Variants in BAZ2B observed in about 807,000 individuals in gnomAD.
The protein encoded by BAZ2B is bromodomain adjacent to zinc finger domain 2B.
A neutral mutation model predicts 246.0 loss-of-function variants in BAZ2B; 91 were observed. That is an observed-to-expected ratio of 0.37 (90% CI 0.31 to 0.44). BAZ2B has a LOEUF of 0.44. BAZ2B is among the 20% of genes least tolerant of loss of function. BAZ2B has a pLI of 1.00. For missense variants in BAZ2B, 2,332 were observed against 2,533.7 expected (o/e 0.92, Z 1.71); for synonymous variants, 855 against 860.0 (o/e 0.99, Z 0.10).
In BAZ2B at chr2:159,385,199, C is replaced by A. The variant is rs1474169834; in HGVS notation, c.3642G>T (p.Leu1214=). 1.2e-6 allele frequency: 2 copies of A among 1,613,422 alleles called. No individual in the cohort carries two copies. Among genetic ancestry groups the A allele is most frequent in the Admixed American group, 1.7e-5 (1 of 59,906 alleles). Residue 1214 remains leucine (L), a synonymous_variant, in exon 23 of 37, where the codon CTG becomes CTT. Transcript: ENST00000392783. ...AHTPAQKASV[L]AFLINELACS... ...ATGCCAGTTCATTGATCAGGAAAGC[C>A]AGGACTGAAGCTTTCTGTGCTGGAG... is the stretch of plus-strand genomic sequence containing the variant.
At chr2:159,386,670 C>T (rs1310890839) in intron 21 of BAZ2B, 63 bp from the exon 22 acceptor site, 31 of 1,464,468 alleles carry the variant, frequency 2.1e-5, no homozygotes, top group East Asian at 1.7e-4. Context: ...GCCATGATTT[C>T]GTATCTTCTA....
At chr2:159,338,990 G>T (rs1271675359) in intron 31 of BAZ2B, among the ~76,000 whole-genome samples, 1 of 151,720 alleles carries the variant, frequency 6.6e-6, no homozygotes, top group Non-Finnish European at 1.5e-5. Context: ...CAATTTTTTG[G>T]TGTCCACTGC....
intron 1 of BAZ2B, among the ~76,000 whole-genome samples, chr2:159,608,420 CCTT>C (rs1218114738): frequency 4.6e-5 from 7 of 152,066 alleles, no homozygotes; most frequent in African/African-American, 1.2e-4. Flanking sequence ...ATTAACTCAC[CCTT>C]CTTCTTTTCT....
At chr2:159,355,718 G>T (rs1261230464) in intron 27 of BAZ2B, among the ~76,000 whole-genome samples, 1 of 127,852 alleles carries the variant, frequency 7.8e-6, no homozygotes, top group East Asian at 2.4e-4. Context: ...AATAGGAACA[G>T]TTCCGGTCTG....
the BAZ2B span, among the ~76,000 whole-genome samples, chr2:159,639,563 T>C: frequency 3.3e-5 from 5 of 152,170 alleles, no homozygotes; most frequent in Admixed American, 2.6e-4. Context: ...ATATTGTTTT[T>C]ATTAGTTTTC....
chr2:159,388,015 A>G (rs1260339096), intron 21 of BAZ2B, among the ~76,000 whole-genome samples: 1 of 152,060 alleles, frequency 6.6e-6, no homozygotes, highest in East Asian at 1.9e-4. Context: ...AGCACTTTAG[A>G]AAAGAGCTTA....
Position 159,405,193 on chromosome 2 carries a change from T to C in BAZ2B, c.2678-79A>G, listed in dbSNP as rs1013933201. 3.2e-6 allele frequency: 4 copies of C among 1,240,540 alleles called. No homozygotes were observed. In the African/African-American group the frequency reaches 4.6e-5, roughly 14 times the overall value. The allele number at this position is 1,240,540 out of a possible 1,614,324, so 76.8% of individuals were successfully genotyped here. ...AAAAACAATAACTGTGTGAAAATGG[T>C]ATCATCATAAAGGATATAATTATTA... On this transcript the variant is annotated intron_variant, in intron 14 of 36. Transcript: ENST00000392783.
chr2:159,355,331 T>C (rs1170739687), intron 27 of BAZ2B, among the ~76,000 whole-genome samples: 2 of 152,086 alleles, frequency 1.3e-5, no homozygotes, highest in Admixed American at 6.5e-5. Context: ...AGGAAGCATC[T>C]TGAAGATAGT....
intron 1 of BAZ2B, among the ~76,000 whole-genome samples, chr2:159,567,592 G>A (rs1370281321): frequency 6.6e-6 from 1 of 152,152 alleles, no homozygotes; most frequent in Non-Finnish European, 1.5e-5. Context: ...TGAGAATGTT[G>A]CACATTATTT....
chr2:159,383,189 G>T (rs1359172215), intron 24 of BAZ2B, among the ~76,000 whole-genome samples: 1 of 152,014 alleles, frequency 6.6e-6, no homozygotes. Flanking sequence ...ATATTTTCTG[G>T]CAGGAAGATA....
In BAZ2B at chr2:159,427,982, T is replaced by G; in HGVS notation, c.2425A>C (p.Ile809Leu). The G allele has an allele frequency of 6.2e-7, 1 of 1,613,536 alleles. No individual in the cohort carries two copies. The highest frequency in any genetic ancestry group is 1.1e-5 in the South Asian group (1 of 91,060). ...SRDNFSFSAK[I>L]RVGDFYEARD... ...GCTTCATAGAAGTCACCCACTCTTA[T>G]TTTTGCACTGAAGCTGAAATTGTCC... Residue 809 changes from isoleucine (I) to leucine (L), a missense_variant, in exon 13 of 37, where the codon ATA (isoleucine) becomes CTA (leucine). Physicochemically the swap from Ile to Leu is conservative, Grantham distance 5. Transcript: ENST00000392783.
chr2:159,555,391 T>C (rs2088974759), intron 2 of BAZ2B: 1 of 152,100 alleles, frequency 6.6e-6, no homozygotes, highest in Non-Finnish European at 1.5e-5. Context: ...GCGCCCAGCC[T>C]ACCAAGGCTA....
chr2:159,495,231 A>C (rs553177862), intron 2 of BAZ2B, among the ~76,000 whole-genome samples: 98 of 152,140 alleles, frequency 6.4e-4, no homozygotes, highest in African/African-American at 2.3e-3. Context: ...CACGCCTGTA[A>C]TCCCAGCACT....
At chr2:159,690,569 T>C in the BAZ2B span, among the ~76,000 whole-genome samples, 1 of 152,222 alleles carries the variant, frequency 6.6e-6, no homozygotes, top group Non-Finnish European at 1.5e-5. Flanking sequence ...TACTAGTTAC[T>C]GATTTATTAT....
chr2:159,506,774 T>C (rs1432197925), intron 2 of BAZ2B, among the ~76,000 whole-genome samples: 2 of 152,212 alleles, frequency 1.3e-5, no homozygotes, highest in Non-Finnish European at 2.9e-5. Flanking sequence ...ACTTTCCTTT[T>C]GGGATCACAA....
intron 14 of BAZ2B, among the ~76,000 whole-genome samples, chr2:159,408,346 A>T (rs1260634367): frequency 2.0e-5 from 3 of 152,130 alleles, no homozygotes; most frequent in Non-Finnish European, 2.9e-5. Flanking sequence ...CTAATTTTTT[A>T]AAAATTTCTT....
At chr2:159,504,156 AT>A (rs1030186589) in intron 2 of BAZ2B, among the ~76,000 whole-genome samples, 21 of 151,270 alleles carry the variant, frequency 1.4e-4, no homozygotes, top group African/African-American at 5.1e-4. Flanking sequence ...TCTTTATTTT[AT>A]TTTTTTAATT....
At chr2:159,408,670 G>C (rs1026569648) in intron 14 of BAZ2B, among the ~76,000 whole-genome samples, 1 of 152,168 alleles carries the variant, frequency 6.6e-6, no homozygotes, top group Non-Finnish European at 1.5e-5. Context: ...TGTAATCCCA[G>C]CACTTTGGGA....
intron 21 of BAZ2B, among the ~76,000 whole-genome samples, chr2:159,389,125 C>CCAACCAACCAAA (rs1426855041): frequency 2.7e-5 from 4 of 149,192 alleles, no homozygotes; most frequent in South Asian, 2.1e-4. Context: ...AACCAACCAA[C>CCAACCAACCAAA]CAAACAAACA....
Sources: allele counts gnomAD v4.1 joint callset (sites outside exome capture counted in the v4.1 genomes callset), GRCh38; gene constraint gnomAD v4.1.1; transcripts MANE v1.5; gene names NCBI Gene and HGNC (gene_info 2026-07-23, HGNC 2026-07-21).